The following TLE1 variants were observed in gnomAD, a reference collection of about 807,000 sequenced individuals.
TLE1 encodes transducin-like enhancer protein 1.
In TLE1, 21 loss-of-function variants were observed where a neutral mutation model predicts 89.8. The observed-to-expected ratio is 0.23, with a 90% CI of 0.17 to 0.34. TLE1 has a LOEUF of 0.34. TLE1 is among the 10% of genes least tolerant of loss of function. The pLI, the probability that TLE1 is intolerant of heterozygous loss-of-function variation, is 1.00. For synonymous variants in TLE1, 447 were observed against 407.6 expected, an observed-to-expected ratio of 1.10 and a Z score of -1.16; for missense variants, 795 against 1,031.2, an observed-to-expected ratio of 0.77 and a Z score of 3.14.
At chr9:81,592,801 T>G (rs928607623) in intron 15 of TLE1, among the ~76,000 whole-genome samples, 1 of 152,142 alleles carries the variant, frequency 6.6e-6, no homozygotes, top group Admixed American at 6.6e-5. Flanking sequence ...TGTAAAATAT[T>G]TTTTAAAAAG....
chr9:81,652,416 C>A (rs1195226792), intron 5 of TLE1, 128 bp from the exon 6 acceptor site: 2 of 648,624 alleles, frequency 3.1e-6, no homozygotes, highest in Non-Finnish European at 5.3e-6. Flanking sequence ...CAGAATTTCT[C>A]AACCACACTT....
chr9:81,593,554 C>T (rs1263212772), intron 14 of TLE1, among the ~76,000 whole-genome samples: 1 of 152,078 alleles, frequency 6.6e-6, no homozygotes, highest in Non-Finnish European at 1.5e-5. Flanking sequence ...GTAAAGCATT[C>T]CCTCAAATCT....
chr9:81,632,472 TC>T lies in TLE1; in HGVS notation c.594+875del, dbSNP rs765988528. Among the ~76,000 whole-genome samples, 131 of 68,472 alleles carry T rather than the reference TC, an allele frequency of 1.9e-3. 2 individuals are homozygous for T. The highest frequency in any genetic ancestry group is 4.1e-3 in the African/African-American group (85 of 20,940). 44.9% of individuals were successfully genotyped at this position (68,472 alleles called of 152,430 possible). On this transcript the variant is annotated intron_variant, in intron 8 of 19. Transcript: ENST00000376499. ...AGTTATCAGATTTAAATGTTCAGTATCCCTTTTTTTTTTTTTTTTTTTTTAC... is the reference window on the plus strand; with the variant it reads ...AGTTATCAGATTTAAATGTTCAGTATCCTTTTTTTTTTTTTTTTTTTTTAC...
chr9:81,676,429 G>A (rs1189104027), intron 4 of TLE1, among the ~76,000 whole-genome samples: 1 of 152,182 alleles, frequency 6.6e-6, no homozygotes, highest in Non-Finnish European at 1.5e-5. Flanking sequence ...AACAGGTGGT[G>A]GTGTTTGAAC....
At chr9:81,644,492 T>C (rs1356686531) in intron 6 of TLE1, among the ~76,000 whole-genome samples, 3 of 152,320 alleles carry the variant, frequency 2.0e-5, no homozygotes, top group Middle Eastern at 6.8e-3. Context: ...ATTCCATTCA[T>C]ATGAGATGTC....
rs1426824317 is a variant in TLE1 at position 81,616,051 on chromosome 9, A to C, written c.849T>G (p.Ala283=). 47 of 1,614,044 alleles carry C rather than the reference A, an allele frequency of 2.9e-5. No homozygotes were observed. The highest frequency in any genetic ancestry group is 3.7e-5 in the Non-Finnish European group (44 of 1,180,042). Reference sequence around the variant, plus strand: ...AGGCCGTGGAAGCTGGACTGCTAGAAGCATCCTTCTTTAGCAGGCGATTTT... The same window carrying C: ...AGGCCGTGGAAGCTGGACTGCTAGACGCATCCTTCTTTAGCAGGCGATTTT... ...IDKNRLLKKD[A]SSSPASTASS... The change falls in exon 11 of 20, where the codon GCT becomes GCG. Residue 283 remains alanine, a synonymous_variant. Transcript: ENST00000376499.
chr9:81,611,007 G>A (rs1227486008), intron 13 of TLE1, among the ~76,000 whole-genome samples: 2 of 152,120 alleles, frequency 1.3e-5, no homozygotes, highest in Admixed American at 6.5e-5. Flanking sequence ...TAATGTCACC[G>A]CAAACTAGTG....
intron 16 of TLE1, among the ~76,000 whole-genome samples, chr9:81,590,256 G>T (rs1322204115): frequency 6.6e-6 from 1 of 152,254 alleles, no homozygotes; most frequent in African/African-American, 2.4e-5. Context: ...TAAGGTGACA[G>T]GGCTGATGCC....
At position 81,613,533 on chromosome 9, in the gene TLE1, A is replaced by G; in HGVS notation, c.919-12T>C. ...CTGGCTTTTTCATGCTGGTGTCATT[A>G]AACAAATTAAATGAGTATTATTTTT... On this transcript the variant is annotated splice_polypyrimidine_tract_variant and intron_variant, in intron 11 of 19. Coordinates refer to ENST00000376499, the MANE Select transcript of TLE1 (RefSeq NM_005077.5). 6.2e-7 allele frequency: 1 copy of G among 1,613,628 alleles called. No individual in the cohort carries two copies. The highest frequency in any genetic ancestry group is 1.3e-5 in the African/African-American group (1 of 75,008).
chr9:81,670,291 C>A (rs1009863974), intron 4 of TLE1, among the ~76,000 whole-genome samples: 1 of 152,076 alleles, frequency 6.6e-6, no homozygotes, highest in Admixed American at 6.6e-5. Flanking sequence ...GGTGTCAATA[C>A]CAATATTCTC....
rs749183909 is a variant in TLE1, at chr9:81,611,912, G to C, written c.1111C>G (p.Pro371Ala). Reference sequence around the variant, plus strand: ...CCAGCGTGGGGGACCATCCCAAAAGGAGCAGGATATGGGCCGGGCACTGCC... The same window carrying C: ...CCAGCGTGGGGGACCATCCCAAAAGCAGCAGGATATGGGCCGGGCACTGCC... The part of the protein sequence containing the change: ...PLAVPGPYPA[P>A]FGMVPHAGMN... Residue 371 changes from proline (P) to alanine (A), a missense_variant, in exon 13 of 20, where the codon CCT (proline) becomes GCT (alanine). Transcript: ENST00000376499. The C allele has an allele frequency of 1.3e-6, 2 of 1,524,036 alleles. No individual in the cohort carries two copies. The highest frequency in any genetic ancestry group is 8.8e-7 in the Non-Finnish European group (1 of 1,139,658). 94.4% of individuals were successfully genotyped at this position (1,524,036 alleles called of 1,614,324 possible).
intron 4 of TLE1, among the ~76,000 whole-genome samples, chr9:81,666,988 T>C (rs1831551525): frequency 6.6e-6 from 1 of 151,548 alleles, no homozygotes; most frequent in African/African-American, 2.4e-5. Flanking sequence ...GGTGTGGTGG[T>C]GTGGCCTATA....
intron 11 of TLE1, among the ~76,000 whole-genome samples, chr9:81,615,728 AAG>A (rs1241789767): frequency 4.7e-5 from 7 of 148,936 alleles, no homozygotes; most frequent in Middle Eastern, 3.5e-3. Flanking sequence ...AAAAAAAAAA[AAG>A]AAGAAGAAGA....
intron 7 of TLE1, 123 bp downstream of exon 7, chr9:81,633,974 G>GCT: frequency 8.9e-7 from 1 of 1,122,624 alleles, no homozygotes; most frequent in Non-Finnish European, 1.2e-6. Context: ...CTTTGCGACA[G>GCT]TTCCTCTTAT....
chr9:81,665,408 G>A (rs1564054131), intron 4 of TLE1, among the ~76,000 whole-genome samples: 1 of 152,006 alleles, frequency 6.6e-6, no homozygotes, highest in Non-Finnish European at 1.5e-5. Context: ...GGCAGCTCCT[G>A]CAGCATTCTA....
In TLE1 at chr9:81,653,934, C is replaced by G. The variant is rs138449225; in HGVS notation, c.297+40G>C. The G allele has an allele frequency of 4.8e-4, 754 of 1,583,628 alleles. 3 individuals carry two copies. The African/African-American group carries it at 8.8e-3, about 18-fold the overall frequency. On this transcript the variant is annotated intron_variant, in intron 5 of 19. Transcript: ENST00000376499. ...ACTAGCTAATTTGCAAACAGAGAAG[C>G]AACATAATTGCACTTTAACAGCTGA...
At chr9:81,644,668 A>T (rs564630494) in intron 6 of TLE1, among the ~76,000 whole-genome samples, 3 of 152,286 alleles carry the variant, frequency 2.0e-5, no homozygotes, top group Admixed American at 1.3e-4. Context: ...CAATGTGAAT[A>T]CGCTAAAAAC....
At chr9:81,652,761 C>A (rs1338975426) in intron 5 of TLE1, among the ~76,000 whole-genome samples, 2 of 152,094 alleles carry the variant, frequency 1.3e-5, no homozygotes, top group East Asian at 1.9e-4. Context: ...GGCAACATGG[C>A]AGAACCCTGT....
intron 15 of TLE1, among the ~76,000 whole-genome samples, chr9:81,592,202 C>A (rs1295095942): frequency 6.6e-6 from 1 of 152,040 alleles, no homozygotes; most frequent in African/African-American, 2.4e-5. Flanking sequence ...ACTAAAAATA[C>A]AAAAAATTAG....
Sources: allele counts gnomAD v4.1 joint callset (sites outside exome capture counted in the v4.1 genomes callset), GRCh38; gene constraint gnomAD v4.1.1; transcripts MANE v1.5; gene names NCBI Gene and HGNC (gene_info 2026-07-23, HGNC 2026-07-21).